The following SAMSN1 variants were observed in gnomAD, a reference collection of about 807,000 sequenced individuals.
SAMSN1 encodes the protein SAM domain, SH3 domain and nuclear localization signals 1, also known as SAM domain-containing protein SAMSN-1.
Under a neutral mutation model 42.0 loss-of-function variants are expected in SAMSN1, and 31 were observed. The observed-to-expected ratio is 0.74, with a 90% CI of 0.55 to 1.00. The LOEUF (loss-of-function observed/expected upper bound fraction) is 1.00, where lower values mean the gene tolerates loss of function less well. Among genes scored for constraint, SAMSN1 ranks in the 50% least tolerant of loss-of-function variants. The pLI is 0.00. For missense variants in SAMSN1, 464 were observed against 439.4 expected (o/e 1.06, Z -0.50); for synonymous variants, 178 against 151.9 (o/e 1.17, Z -1.26).
intron 4 of SAMSN1, among the ~76,000 whole-genome samples, chr21:14,611,117 G>T (rs550114567): frequency 2.0e-5 from 3 of 151,762 alleles, no homozygotes; most frequent in Non-Finnish European, 4.4e-5. Flanking sequence ...TAGAGACAGG[G>T]TCATAGTCAA....
intron 2 of SAMSN1, among the ~76,000 whole-genome samples, chr21:14,579,441 A>G (rs549087324): frequency 6.6e-6 from 1 of 152,294 alleles, no homozygotes; most frequent in East Asian, 1.9e-4. Context: ...GTACAAAATA[A>G]TTTATCTATA....
At chr21:14,577,753 A>G (rs1296753212) in intron 2 of SAMSN1, among the ~76,000 whole-genome samples, 1 of 152,150 alleles carries the variant, frequency 6.6e-6, no homozygotes, top group African/African-American at 2.4e-5. Flanking sequence ...ATCCCCTCTC[A>G]ACACCACTCA....
At chr21:14,582,472 C>A (rs537157859) in exon 2 of SAMSN1, 6 of 1,235,304 alleles carry the variant, frequency 4.9e-6, no homozygotes, top group Non-Finnish European at 6.9e-6. Flanking sequence ...AAGAAATCAA[C>A]GTGTCATCTT....
chr21:14,589,795 C>T (rs1389663064), intron 7 of SAMSN1, among the ~76,000 whole-genome samples: 1 of 152,016 alleles, frequency 6.6e-6, no homozygotes, highest in Non-Finnish European at 1.5e-5. Context: ...AAGCAGAAAA[C>T]CCTTTGTTTT....
At chr21:14,539,530 A>G (rs1043365450) in intron 1 of SAMSN1, among the ~76,000 whole-genome samples, 6 of 151,910 alleles carry the variant, frequency 3.9e-5, no homozygotes, top group African/African-American at 9.7e-5. Context: ...TCATGATTGA[A>G]CTCCCATTCA....
rs111791022 is a variant in SAMSN1 at position 14,560,247 on chromosome 21, G to C, written c.261+21889C>G. On this transcript the variant is annotated intron_variant, in intron 2 of 8. Transcript: ENST00000285670. ...ATTTGTCAGGTGGACAAGAAAAATG[G>C]GGGGCATATTCTAGCAATGGGCAGA... 1.1e-3 allele frequency among the ~76,000 whole-genome samples: 167 copies of C among 152,230 alleles called. 9 individuals carry two copies. Among genetic ancestry groups the C allele is most frequent in the African/African-American group, 2.9e-3 (120 of 41,556 alleles).
intron 3 of SAMSN1, among the ~76,000 whole-genome samples, chr21:14,515,312 C>A (rs1034709479): frequency 1.1e-4 from 16 of 152,002 alleles, no homozygotes; most frequent in Non-Finnish European, 2.2e-4. Flanking sequence ...CATAAGTAAA[C>A]TCACTTATTT....
intron 7 of SAMSN1, among the ~76,000 whole-genome samples, chr21:14,488,356 CTGTT>C (rs1019688590): frequency 1.3e-5 from 2 of 152,140 alleles, no homozygotes; most frequent in African/African-American, 2.4e-5. Context: ...ATAATAAAAA[CTGTT>C]TGTTCCCAAC....
chr21:14,500,701 G>A lies in SAMSN1; in HGVS notation c.596C>T (p.Pro199Leu). 1.2e-6 allele frequency: 2 copies of A among 1,613,834 alleles called. No homozygotes were observed. Among genetic ancestry groups the A allele is most frequent in the Admixed American group, 1.7e-5 (1 of 59,994 alleles). Residue 199 changes from proline (P) to leucine (L), a missense_variant, in exon 6 of 8, where the codon CCA (proline) becomes CTA (leucine). Transcript: ENST00000400566. ...CAACATTCCTGTCCACATCCCCATT[G>A]GTGTTTTGCAAATAATGTCTATGAT... ...GDIIDIICKT[P>L]MGMWTGMLNN...
At chr21:14,654,864 AAGAG>A (rs1983892477) in intron 1 of SAMSN1, among the ~76,000 whole-genome samples, 1 of 151,840 alleles carries the variant, frequency 6.6e-6, no homozygotes, top group African/African-American at 2.4e-5. Context: ...GAAAGAAAGA[AAGAG>A]AGAAAGAGAG....
At chr21:14,643,112 A>G (rs1239492078) in exon 2 of SAMSN1, 2 of 717,274 alleles carry the variant, frequency 2.8e-6, no homozygotes, top group Admixed American at 4.0e-5. Context: ...ATTGGCTCAT[A>G]TAAGCTATCC....
chr21:14,611,495 A>C (rs959591032), intron 4 of SAMSN1, among the ~76,000 whole-genome samples: 1 of 152,210 alleles, frequency 6.6e-6, no homozygotes, highest in African/African-American at 2.4e-5. Flanking sequence ...CTATTTGCTC[A>C]TATGTTTTGA....
intron 1 of SAMSN1, among the ~76,000 whole-genome samples, chr21:14,643,342 A>G (rs957233706): frequency 6.6e-6 from 1 of 152,226 alleles, no homozygotes; most frequent in African/African-American, 2.4e-5. Flanking sequence ...TATTACCACC[A>G]TTATTACAGA....
At chr21:14,517,083 T>TA (rs1987954167) in intron 2 of SAMSN1, 42 bp from the exon 3 acceptor site, 1 of 1,533,190 alleles carries the variant, frequency 6.5e-7, no homozygotes, top group Middle Eastern at 1.7e-4. Flanking sequence ...AATAAAGCAA[T>TA]AAAAAACATT....
chr21:14,606,693 A>G (rs1349904004), intron 5 of SAMSN1, among the ~76,000 whole-genome samples: 1 of 152,190 alleles, frequency 6.6e-6, no homozygotes, highest in African/African-American at 2.4e-5. Flanking sequence ...TAAGCATTCA[A>G]TTTATTCTAC....
chr21:14,653,374 G>A (rs185326046), intron 1 of SAMSN1, among the ~76,000 whole-genome samples: 180 of 152,038 alleles, frequency 1.2e-3, no homozygotes, highest in Non-Finnish European at 1.9e-3. Context: ...GATGATTATG[G>A]TAAGTGAAAT....
intron 1 of SAMSN1, 94 bp from the exon 2 acceptor site, chr21:14,521,315 G>A (rs749680538): frequency 3.4e-5 from 27 of 787,616 alleles, no homozygotes; most frequent in Non-Finnish European, 5.1e-5. Context: ...AATAAGCACC[G>A]TCTCTTGCAA....
At chr21:14,531,719 C>A (rs1168216823) in intron 1 of SAMSN1, among the ~76,000 whole-genome samples, 2 of 152,036 alleles carry the variant, frequency 1.3e-5, no homozygotes, top group African/African-American at 2.4e-5. Flanking sequence ...AAGAGGCAAA[C>A]ATTTATAGTA....
chr21:14,521,322 G>T (rs2123039596), intron 1 of SAMSN1, 101 bp from the exon 2 acceptor site: 1 of 700,518 alleles, frequency 1.4e-6, no homozygotes, highest in Non-Finnish European at 2.4e-6. Context: ...ACCGTCTCTT[G>T]CAAATACAGG....
Sources: allele counts gnomAD v4.1 joint callset (sites outside exome capture counted in the v4.1 genomes callset), GRCh38; gene constraint gnomAD v4.1.1; transcripts MANE v1.5; gene names NCBI Gene and HGNC (gene_info 2026-07-23, HGNC 2026-07-21).